The following SLC35F1 variants were observed in gnomAD, a reference collection of about 807,000 sequenced individuals.
SLC35F1 encodes the protein solute carrier family 35 member F1, also known as chromosome 6 open reading frame 169.
Under a neutral mutation model 48.7 loss-of-function variants are expected in SLC35F1, and 14 were observed. That is an observed-to-expected ratio of 0.29 (90% CI 0.19 to 0.45). The LOEUF is 0.45. Ranked by LOEUF, SLC35F1 falls within the 20% of genes least tolerant of loss-of-function variation. The pLI is 1.00. For synonymous variants in SLC35F1, 190 were observed against 202.2 expected (o/e 0.94, Z 0.51); for missense variants, 404 against 500.0 (o/e 0.81, Z 1.83).
chr6:118,066,006 G>C (rs1427123245), intron 1 of SLC35F1, among the ~76,000 whole-genome samples: 1 of 152,070 alleles, frequency 6.6e-6, no homozygotes, highest in Non-Finnish European at 1.5e-5. Context: ...ATATGAATTA[G>C]ATTCAGTTAG....
rs1240707620 is a variant in SLC35F1, at chr6:117,994,932, A to G, written c.173+87033A>G. ...AAAATGTTATTGCGAAGTAAATGCCAATGCCTTATCACTCATGTAACTGAC... is the reference window on the plus strand; with the variant it reads ...AAAATGTTATTGCGAAGTAAATGCCGATGCCTTATCACTCATGTAACTGAC... On this transcript the variant is annotated intron_variant, in intron 1 of 7. Transcript: ENST00000360388. Among the ~76,000 whole-genome samples the G allele has an allele frequency of 2.0e-5, 3 of 152,238 alleles. No homozygotes were observed. In the East Asian group the frequency reaches 5.8e-4, roughly 29 times the overall value.
rs930192909 is a variant in SLC35F1 at position 118,317,639 on chromosome 6, T to C, written c.*3387T>C. The C allele has an allele frequency of 2.0e-5, 3 of 152,210 alleles. No individual in the cohort carries two copies. The highest frequency in any genetic ancestry group is 4.4e-5 in the Non-Finnish European group (3 of 68,034). 9.4% of individuals were successfully genotyped at this position (152,210 alleles called of 1,614,324 possible). Reference sequence around the variant, plus strand: ...GTGGCAATGTAATGCCTGTATAATGTTTTCAAATAAAAATAAATGCTTTAT... The same window carrying C: ...GTGGCAATGTAATGCCTGTATAATGCTTTCAAATAAAAATAAATGCTTTAT... On this transcript the variant is annotated 3_prime_UTR_variant, in exon 8 of 8. Transcript: ENST00000360388.
intron 1 of SLC35F1, among the ~76,000 whole-genome samples, chr6:118,041,170 C>G (rs113612279): frequency 0.015 from 2,213 of 152,118 alleles, 62 homozygotes; most frequent in African/African-American, 0.05. Flanking sequence ...GCCAAATTGG[C>G]TATTTAAAAA....
intron 1 of SLC35F1, among the ~76,000 whole-genome samples, chr6:118,057,689 A>C (rs1772482250): frequency 6.6e-6 from 1 of 152,236 alleles, no homozygotes; most frequent in African/African-American, 2.4e-5. Context: ...ATCCTGATTT[A>C]TCAAAAGATT....
chr6:118,295,522 A>G (rs1299087831), intron 7 of SLC35F1, among the ~76,000 whole-genome samples: 1 of 152,194 alleles, frequency 6.6e-6, no homozygotes, highest in African/African-American at 2.4e-5. Context: ...ATGAATCAGA[A>G]TCCTGAGCCA....
intron 1 of SLC35F1, among the ~76,000 whole-genome samples, chr6:118,128,212 G>T (rs2114415959): frequency 6.8e-6 from 1 of 147,344 alleles, no homozygotes; most frequent in East Asian, 2.0e-4. Flanking sequence ...CACTGTTGGT[G>T]GGACTGTAAA....
chr6:117,916,616 G>T (rs921283987), intron 1 of SLC35F1, among the ~76,000 whole-genome samples: 7 of 152,216 alleles, frequency 4.6e-5, no homozygotes, highest in African/African-American at 1.7e-4. Context: ...GGGGCACCTT[G>T]CCTGAAAGGG....
At chr6:118,294,594 G>A (rs1002617426) in intron 7 of SLC35F1, among the ~76,000 whole-genome samples, 14 of 152,102 alleles carry the variant, frequency 9.2e-5, no homozygotes, top group East Asian at 5.8e-4. Flanking sequence ...TGTTATTTTC[G>A]TAACTTTATT....
chr6:118,273,159 C>A (rs1230379263), intron 4 of SLC35F1, among the ~76,000 whole-genome samples: 5 of 152,012 alleles, frequency 3.3e-5, no homozygotes, highest in Non-Finnish European at 7.4e-5. Flanking sequence ...ATAATTATTA[C>A]TGAATTGGTG....
At chr6:118,311,701 G>A (rs1408744738) in intron 7 of SLC35F1, among the ~76,000 whole-genome samples, 1 of 152,136 alleles carries the variant, frequency 6.6e-6, no homozygotes, top group Non-Finnish European at 1.5e-5. Context: ...TGAGGTGGGA[G>A]GATCACATGA....
chr6:118,276,383 A>G (rs756897608), intron 5 of SLC35F1, among the ~76,000 whole-genome samples: 2 of 152,214 alleles, frequency 1.3e-5, no homozygotes, highest in African/African-American at 4.8e-5. Context: ...GATTTCACCA[A>G]TCTCTTTCTA....
intron 1 of SLC35F1, among the ~76,000 whole-genome samples, chr6:118,101,160 G>A (rs768443620): frequency 6.6e-6 from 1 of 152,160 alleles, no homozygotes; most frequent in Admixed American, 6.5e-5. Flanking sequence ...TTTTCTCCTG[G>A]CATTTCTGCA....
At chr6:117,952,698 A>G (rs1343908110) in intron 1 of SLC35F1, among the ~76,000 whole-genome samples, 2 of 152,210 alleles carry the variant, frequency 1.3e-5, no homozygotes, top group African/African-American at 2.4e-5. Context: ...AAACACCCCA[A>G]AAGACAAATC....
intron 1 of SLC35F1, among the ~76,000 whole-genome samples, chr6:118,145,448 C>CA (rs1773957488): frequency 6.6e-6 from 1 of 152,022 alleles, no homozygotes; most frequent in African/African-American, 2.4e-5. Flanking sequence ...AGCTGAAAGT[C>CA]AAAGAGAATA....
chr6:118,212,580 C>G (rs1175191837), intron 2 of SLC35F1, among the ~76,000 whole-genome samples: 3 of 151,978 alleles, frequency 2.0e-5, no homozygotes, highest in Non-Finnish European at 4.4e-5. Context: ...ATCCTAGCTA[C>G]TTGAGAGGCT....
At chr6:118,208,525 T>C (rs2114545369) in intron 2 of SLC35F1, among the ~76,000 whole-genome samples, 1 of 152,336 alleles carries the variant, frequency 6.6e-6, no homozygotes, top group South Asian at 2.1e-4. Flanking sequence ...CAATCTTATC[T>C]TGTAACAAGA....
chr6:118,247,699 C>G (rs752436105), intron 3 of SLC35F1, among the ~76,000 whole-genome samples: 3 of 147,628 alleles, frequency 2.0e-5, no homozygotes, highest in Non-Finnish European at 4.4e-5. Flanking sequence ...TATTACACCA[C>G]ACACAAAGTT....
intron 1 of SLC35F1, among the ~76,000 whole-genome samples, chr6:118,127,532 C>T (rs1562297845): frequency 6.6e-6 from 1 of 152,062 alleles, no homozygotes; most frequent in Non-Finnish European, 1.5e-5. Flanking sequence ...TGATCTTTGA[C>T]AAACTTGAGA....
chr6:117,983,437 T>G (rs936820235), intron 1 of SLC35F1, among the ~76,000 whole-genome samples: 11 of 151,882 alleles, frequency 7.2e-5, no homozygotes, highest in Non-Finnish European at 5.9e-5. Context: ...ATTAGTCGGG[T>G]GTGGTGGCAG....
Sources: gnomAD v4.1 joint callset for allele counts (sites outside exome capture counted in the v4.1 genomes callset) on GRCh38, gnomAD v4.1.1 for gene constraint, MANE v1.5 for transcripts, NCBI Gene and HGNC (gene_info 2026-07-23, HGNC 2026-07-21) for gene names.